The following CASP4 variants were observed in gnomAD, a reference collection of about 807,000 sequenced individuals.
CASP4 encodes caspase-4.
CASP4 carries 29 observed loss-of-function variants against 41.3 expected under a neutral mutation model. That is an observed-to-expected ratio of 0.70 (90% CI 0.52 to 0.96). CASP4 has a LOEUF of 0.96. Ranked by LOEUF, CASP4 falls within the 40% of genes least tolerant of loss-of-function variation. CASP4 has a pLI of 0.00. For synonymous variants in CASP4, 185 were observed against 158.4 expected (o/e 1.17, Z -1.26); for missense variants, 447 against 460.6 (o/e 0.97, Z 0.27).
chr11:104,950,740 G>A (rs1444658711), intron 4 of CASP4, among the ~76,000 whole-genome samples, 185 bp downstream of exon 4: 1 of 151,570 alleles, frequency 6.6e-6, no homozygotes, highest in Non-Finnish European at 1.5e-5. Context: ...CCAGAATTGA[G>A]GATATTTGGA....
rs750676006 is a variant in CASP4, at chr11:104,944,758, T to C, written c.1129A>G (p.Asn377Asp). Reference sequence around the variant, plus strand: ...CTCTCAATACTTAACCATTTTCAATTGCCAGGAAAGAGGTAGAAATATCTT... The same window carrying C: ...CTCTCAATACTTAACCATTTTCAATCGCCAGGAAAGAGGTAGAAATATCTT... Reference protein sequence around the residue: ...MTRYFYLFPGN With the variant: ...MTRYFYLFPGD The change falls in exon 8 of 9, where the codon AAT (asparagine) becomes GAT (aspartate). Residue 377 changes from asparagine (N) to aspartate (D), a missense_variant. By Grantham distance (23) the Asn-to-Asp change is conservative. Coordinates refer to ENST00000444739, the MANE Select transcript of CASP4 (RefSeq NM_001225.4). 1 of 1,601,600 alleles carries C rather than the reference T, an allele frequency of 6.2e-7. No homozygotes were observed. Among genetic ancestry groups the C allele is most frequent in the South Asian group, 1.1e-5 (1 of 90,850 alleles).
At chr11:104,960,316 G>C (rs1591133929) in intron 1 of CASP4, among the ~76,000 whole-genome samples, 1 of 152,002 alleles carries the variant, frequency 6.6e-6, no homozygotes, top group Non-Finnish European at 1.5e-5. Context: ...CTGTCTATCT[G>C]TCTATCTGTC....
Position 104,948,573 on chromosome 11 carries a change from G to T in CASP4, c.885C>A (p.His295Gln). 1 of 1,610,552 alleles carries T rather than the reference G, an allele frequency of 6.2e-7. No homozygotes were observed. The highest frequency in any genetic ancestry group is 8.5e-7 in the Non-Finnish European group (1 of 1,177,906). ...NLEEDAVYKT[H>Q]VEKDFIAFCS... is the part of the protein sequence containing the mutation. ...AGAAAGCAATGAAGTCCTTCTCCAC[G>T]TGGGTCTTGTAAACAGCATCTTCCT... The change falls in exon 6 of 9, where the codon CAC becomes CAA. Residue 295 changes from histidine (H) to glutamine (Q), a missense_variant. His to Gln is a conservative substitution (Grantham distance 24). Coordinates refer to ENST00000444739, the MANE Select transcript of CASP4 (RefSeq NM_001225.4).
chr11:104,947,435 T>C, intron 6 of CASP4: 1 of 271,234 alleles, frequency 3.7e-6, no homozygotes, highest in Middle Eastern at 1.0e-3. Flanking sequence ...ATTGAAGAAA[T>C]TTTGATTCTT....
intron 2 of CASP4, among the ~76,000 whole-genome samples, chr11:104,954,092 G>A (rs990196034): frequency 2.6e-5 from 4 of 152,140 alleles, no homozygotes; most frequent in Non-Finnish European, 5.9e-5. Context: ...TTGCATTCTG[G>A]TGGGAGAAAC....
rs374669255 is a variant in CASP4, at chr11:104,968,543, C to T, written c.-18G>A. ...CCTGCCATAGGGAACAGCCTCTGTCCTTTTTTACAGCGTTGGAAAGAGCCT... is the reference window on the plus strand; with the variant it reads ...CCTGCCATAGGGAACAGCCTCTGTCTTTTTTTACAGCGTTGGAAAGAGCCT... On this transcript the variant is annotated 5_prime_UTR_variant, in exon 1 of 9. Coordinates refer to ENST00000444739, the MANE Select transcript of CASP4 (RefSeq NM_001225.4). 48 of 1,612,608 alleles carry T rather than the reference C, an allele frequency of 3.0e-5. No homozygotes were observed. The highest frequency in any genetic ancestry group is 3.5e-5 in the Non-Finnish European group (41 of 1,178,864).
At chr11:104,957,859 T>G (rs1385767016) in intron 1 of CASP4, among the ~76,000 whole-genome samples, 1 of 151,920 alleles carries the variant, frequency 6.6e-6, no homozygotes, top group Admixed American at 6.6e-5. Context: ...GGAACAAAGC[T>G]GCAGGCATCG....
chr11:104,950,906 G>A lies in CASP4; in HGVS notation c.546+19C>T. ...TGTCTTGAATATGTATGTGTTTGTGGCGGCTGAGGGATTCTTACCCTGGCT... is the reference window on the plus strand; with the variant it reads ...TGTCTTGAATATGTATGTGTTTGTGACGGCTGAGGGATTCTTACCCTGGCT... On this transcript the variant is annotated intron_variant, in intron 4 of 8. Coordinates refer to ENST00000444739, the MANE Select transcript of CASP4 (RefSeq NM_001225.4). 1 of 1,604,574 alleles carries A rather than the reference G, an allele frequency of 6.2e-7. No homozygotes were observed. The highest frequency in any genetic ancestry group is 8.5e-7 in the Non-Finnish European group (1 of 1,174,922).
intron 7 of CASP4, chr11:104,946,522 G>A (rs1365147430): frequency 1.3e-5 from 2 of 152,194 alleles, no homozygotes; most frequent in Admixed American, 6.5e-5. Context: ...AATAAGGAAT[G>A]TCCCAAGTTG....
At chr11:104,967,377 C>T (rs1860997614) in intron 1 of CASP4, among the ~76,000 whole-genome samples, 1 of 152,038 alleles carries the variant, frequency 6.6e-6, no homozygotes, top group Non-Finnish European at 1.5e-5. Context: ...GAAGTAAATA[C>T]AGTATTTTTT....
chr11:104,944,757 T>G lies in CASP4; in HGVS notation c.1130A>C (p.Asn377Thr). The G allele has an allele frequency of 6.2e-7, 1 of 1,600,410 alleles. No homozygotes were observed. Among genetic ancestry groups the G allele is most frequent in the Non-Finnish European group, 8.6e-7 (1 of 1,167,596 alleles). The change falls in exon 8 of 9, where the codon AAT becomes ACT. Residue 377 changes from asparagine (N) to threonine (T), a missense_variant. Transcript: ENST00000444739. ...MTRYFYLFPG[N>T] is the part of the protein sequence containing the mutation. The stretch of plus-strand genomic sequence containing the variant: ...ACTCTCAATACTTAACCATTTTCAA[T>G]TGCCAGGAAAGAGGTAGAAATATCT...
intron 7 of CASP4, among the ~76,000 whole-genome samples, chr11:104,945,892 G>A (rs1456789904): frequency 6.6e-6 from 1 of 151,434 alleles, no homozygotes; most frequent in Non-Finnish European, 1.5e-5. Context: ...TGTCATCCAG[G>A]CTAGAGGGTA....
chr11:104,942,889 A>T lies in CASP4; in HGVS notation c.*90T>A. 2 of 456,140 alleles carry T rather than the reference A, an allele frequency of 4.4e-6. 1 individual carries two copies. Among genetic ancestry groups the T allele is most frequent in the Non-Finnish European group, 8.8e-6 (2 of 226,930 alleles). The allele number at this position is 456,140 out of a possible 1,614,324, so 28.3% of individuals were successfully genotyped here. ...AGTTCGTTTGTCTTCACTTTTATTG[A>T]AATACAAAATGTTAAATATGCAAGC... is the stretch of plus-strand genomic sequence containing the variant. On this transcript the variant is annotated 3_prime_UTR_variant, in exon 9 of 9. Coordinates refer to ENST00000444739, the MANE Select transcript of CASP4 (RefSeq NM_001225.4).
At position 104,959,973 on chromosome 11, in the gene CASP4, G is replaced by A. The variant is rs371924397; in HGVS notation, c.8-4972C>T. The stretch of plus-strand genomic sequence containing the variant: ...GTCCCTCTATTCTACTCTTTGCAAC[G>A]AAGAGTGTTCCAATATCTAGATTTG... On this transcript the variant is annotated intron_variant, in intron 1 of 8. Coordinates refer to ENST00000444739, the MANE Select transcript of CASP4 (RefSeq NM_001225.4). Among the ~76,000 whole-genome samples, 24 of 152,146 alleles carry A rather than the reference G, an allele frequency of 1.6e-4. No individual in the cohort carries two copies. In the East Asian group the frequency reaches 2.9e-3, roughly 18 times the overall value.
At chr11:104,954,239 A>T (rs1860682053) in intron 2 of CASP4, among the ~76,000 whole-genome samples, 1 of 152,160 alleles carries the variant, frequency 6.6e-6, no homozygotes, top group African/African-American at 2.4e-5. Flanking sequence ...CCTGTTGAAT[A>T]TGTTGCTAGA....
intron 2 of CASP4, among the ~76,000 whole-genome samples, chr11:104,952,846 T>C (rs965510611): frequency 6.6e-6 from 1 of 152,202 alleles, no homozygotes; most frequent in Non-Finnish European, 1.5e-5. Flanking sequence ...ATATCAAACC[T>C]TCTGAGCATC....
At position 104,951,608 on chromosome 11, in the gene CASP4, A is replaced by G; in HGVS notation, c.372+288T>C. The G allele has an allele frequency of 1.1e-5, 5 of 449,846 alleles. No homozygotes were observed. In the South Asian group the frequency reaches 1.2e-4, roughly 10 times the overall value. The allele number at this position is 449,846 out of a possible 1,614,324, so 27.9% of individuals were successfully genotyped here. Reference sequence around the variant, plus strand: ...ATTATCCTCCAAATATGTTTATTCCATGGCTAATGCTACAATTGCCATAAA... The same window carrying G: ...ATTATCCTCCAAATATGTTTATTCCGTGGCTAATGCTACAATTGCCATAAA... On this transcript the variant is annotated intron_variant, in intron 3 of 8. Transcript: ENST00000444739.
At chr11:104,948,984 C>T in intron 5 of CASP4, 3 of 209,956 alleles carry the variant, frequency 1.4e-5, no homozygotes, top group Non-Finnish European at 2.9e-5. Flanking sequence ...AAATTCCTGG[C>T]CTCAAGCCAT....
chr11:104,948,400 G>T, intron 6 of CASP4, 133 bp downstream of exon 6: 2 of 892,352 alleles, frequency 2.2e-6, no homozygotes, highest in Non-Finnish European at 1.6e-6. Context: ...GCACACATAA[G>T]ATCATGTAAA....
Sources: allele counts gnomAD v4.1 joint callset (sites outside exome capture counted in the v4.1 genomes callset), GRCh38; gene constraint gnomAD v4.1.1; transcripts MANE v1.5; gene names NCBI Gene and HGNC (gene_info 2026-07-23, HGNC 2026-07-21).